The following PLEKHA7 variants were observed in gnomAD, a reference collection of about 807,000 sequenced individuals.
PLEKHA7 encodes pleckstrin homology domain containing A7.
A neutral mutation model predicts 170.0 loss-of-function variants in PLEKHA7; 104 were observed. The ratio of observed to expected loss-of-function variants is 0.61; its 90% CI spans 0.52 to 0.72. The LOEUF (loss-of-function observed/expected upper bound fraction) is 0.72, where lower values mean the gene tolerates loss of function less well. Among genes scored for constraint, PLEKHA7 ranks in the 30% least tolerant of loss-of-function variants. PLEKHA7 has a pLI of 0.00. For synonymous variants in PLEKHA7, 648 were observed against 660.8 expected, an observed-to-expected ratio of 0.98 and a Z score of 0.30; for missense variants, 1,615 against 1,671.7, an observed-to-expected ratio of 0.97 and a Z score of 0.59.
rs557459782 is a variant in PLEKHA7, at chr11:16,782,879, G to A, written c.3668C>T (p.Pro1223Leu). The change falls in exon 26 of 27, where the codon CCG becomes CTG. Residue 1223 changes from proline (P) to leucine (L), a missense_variant. Pro to Leu is a moderately conservative substitution (Grantham distance 98). Coordinates refer to ENST00000531066, the MANE Select transcript of PLEKHA7 (RefSeq NM_001329630.2). ...LARSSMCNLQ[P>L]TSGQDQNSVA... ...ACTGTTCTGGTCCTGGCCTGAGGTC[G>A]GCTGTAGGTTGCACATGCTGTAGGA... is the stretch of plus-strand genomic sequence containing the variant. 128 of 1,536,150 alleles carry A rather than the reference G, an allele frequency of 8.3e-5. No individual in the cohort carries two copies. The African/African-American group carries it at 1.2e-3, about 14-fold the overall frequency.
chr11:16,969,640 G>A (rs772053697), intron 3 of PLEKHA7, among the ~76,000 whole-genome samples: 1 of 152,180 alleles, frequency 6.6e-6, no homozygotes, highest in Non-Finnish European at 1.5e-5. Context: ...ACAGGCCCAT[G>A]TTCCAAGCAG....
At chr11:16,987,301 C>T (rs1460618228) in intron 3 of PLEKHA7, among the ~76,000 whole-genome samples, 2 of 148,278 alleles carry the variant, frequency 1.3e-5, no homozygotes, top group Non-Finnish European at 3.0e-5. Flanking sequence ...GGCCTGGCTC[C>T]GCCCCCCAGA....
intron 3 of PLEKHA7, among the ~76,000 whole-genome samples, chr11:16,927,496 TATC>T (rs1467593713): frequency 1.3e-5 from 2 of 152,152 alleles, no homozygotes; most frequent in Non-Finnish European, 2.9e-5. Flanking sequence ...CACCAGCACT[TATC>T]ATCTCTAGCC....
intron 9 of PLEKHA7, among the ~76,000 whole-genome samples, chr11:16,837,709 T>C (rs1851626407): frequency 6.6e-6 from 1 of 152,184 alleles, no homozygotes; most frequent in Non-Finnish European, 1.5e-5. Flanking sequence ...GATGTAGGTG[T>C]CTCTGCTTAG....
chr11:16,864,892 T>A (rs1000071100), intron 4 of PLEKHA7, among the ~76,000 whole-genome samples: 1 of 152,202 alleles, frequency 6.6e-6, no homozygotes, highest in Non-Finnish European at 1.5e-5. Flanking sequence ...GAAATTTGTA[T>A]GCCTATAGCT....
At chr11:16,802,856 T>A (rs945323083) in intron 15 of PLEKHA7, 116 bp downstream of exon 15, 25 of 937,972 alleles carry the variant, frequency 2.7e-5, no homozygotes, top group East Asian at 9.7e-5. Context: ...CATTTTTTTT[T>A]AAATAAGCTA....
At chr11:16,902,348 G>A (rs1052103210) in intron 3 of PLEKHA7, among the ~76,000 whole-genome samples, 1 of 152,062 alleles carries the variant, frequency 6.6e-6, no homozygotes, top group African/African-American at 2.4e-5. Flanking sequence ...ACTTCTCTTG[G>A]GTATATACCT....
intron 3 of PLEKHA7, among the ~76,000 whole-genome samples, chr11:16,894,539 T>C (rs997461437): frequency 1.3e-5 from 2 of 152,200 alleles, no homozygotes; most frequent in Non-Finnish European, 2.9e-5. Flanking sequence ...AGGTATCAAA[T>C]AGTCAGTGGA....
intron 3 of PLEKHA7, among the ~76,000 whole-genome samples, chr11:16,942,178 G>A (rs1174441396): frequency 3.9e-5 from 6 of 152,158 alleles, no homozygotes; most frequent in Non-Finnish European, 2.9e-5. Context: ...TAGTGATAGC[G>A]GAATTCAAAT....
Position 16,813,134 on chromosome 11 carries a change from G to A in PLEKHA7, c.1986C>T (p.Asp662=). ...ADDTYLQLKK[D]LEYLDLKMTG... is the part of the protein sequence containing the mutation. ...TTACCTTTAGATCCAGGTACTCCAGGTCTTTCTTCAGCTGGAGGTAGGTAT... is the reference window on the plus strand; with the variant it reads ...TTACCTTTAGATCCAGGTACTCCAGATCTTTCTTCAGCTGGAGGTAGGTAT... Residue 662 remains aspartate, a synonymous_variant, in exon 13 of 27, where the codon GAC becomes GAT. Transcript: ENST00000531066. 1 of 1,613,658 alleles carries A rather than the reference G, an allele frequency of 6.2e-7. No individual in the cohort carries two copies. The highest frequency in any genetic ancestry group is 1.3e-5 in the African/African-American group (1 of 75,022).
rs1281098331 is a variant in PLEKHA7 at position 16,778,723 on chromosome 11, T to C, written c.*275A>G. On this transcript the variant is annotated 3_prime_UTR_variant, in exon 27 of 27. Coordinates refer to ENST00000531066, the MANE Select transcript of PLEKHA7 (RefSeq NM_001329630.2). The stretch of plus-strand genomic sequence containing the variant: ...TGCCACTCAGCCCTTGAGGGGAACA[T>C]TAGAAAATAGATTCCGATTCTAAAA... 9 of 511,068 alleles carry C rather than the reference T, an allele frequency of 1.8e-5. No individual in the cohort carries two copies. Among genetic ancestry groups the C allele is most frequent in the Non-Finnish European group, 3.2e-5 (9 of 282,118 alleles). The allele number at this position is 511,068 out of a possible 1,614,324, so 31.7% of individuals were successfully genotyped here.
intron 3 of PLEKHA7, among the ~76,000 whole-genome samples, chr11:16,874,277 C>T (rs1855105799): frequency 1.3e-5 from 2 of 152,004 alleles, no homozygotes; most frequent in Admixed American, 6.6e-5. Flanking sequence ...GAGGCTGGGG[C>T]GGGTGAATCA....
intron 3 of PLEKHA7, among the ~76,000 whole-genome samples, chr11:16,936,985 C>A (rs1319327284): frequency 6.6e-6 from 1 of 152,236 alleles, no homozygotes; most frequent in African/African-American, 2.4e-5. Context: ...TTTCCCTCCC[C>A]CTGAGCCTCA....
intron 10 of PLEKHA7, among the ~76,000 whole-genome samples, chr11:16,824,034 C>A (rs944569240): frequency 6.6e-6 from 1 of 152,134 alleles, no homozygotes; most frequent in African/African-American, 2.4e-5. Context: ...TGTTCTCACT[C>A]ATTTGTGAGA....
intron 3 of PLEKHA7, among the ~76,000 whole-genome samples, chr11:16,929,595 C>A (rs947239779): frequency 6.6e-6 from 1 of 152,228 alleles, no homozygotes; most frequent in African/African-American, 2.4e-5. Flanking sequence ...CTGCCTCCCC[C>A]GCTTCTTGGT....
chr11:16,888,270 C>T (rs1856319275), intron 3 of PLEKHA7, among the ~76,000 whole-genome samples: 1 of 145,462 alleles, frequency 6.9e-6, no homozygotes, highest in African/African-American at 2.6e-5. Context: ...AGGTGGGGGG[C>T]AGTCCCTGCC....
At chr11:16,784,991 G>A (rs1849300943) in intron 24 of PLEKHA7, among the ~76,000 whole-genome samples, 1 of 152,216 alleles carries the variant, frequency 6.6e-6, no homozygotes, top group Non-Finnish European at 1.5e-5. Flanking sequence ...ACCTTTGGCT[G>A]TTTCAGATGG....
intron 3 of PLEKHA7, among the ~76,000 whole-genome samples, chr11:16,915,659 A>G (rs1858602809): frequency 6.6e-6 from 1 of 151,170 alleles, no homozygotes; most frequent in Non-Finnish European, 1.5e-5. Flanking sequence ...GATGATTTCC[A>G]ATTTCATCCA....
In PLEKHA7 at chr11:16,800,985, A is replaced by G. The variant is rs527947250; in HGVS notation, c.2398T>C (p.Phe800Leu). Residue 800 changes from phenylalanine to leucine, a missense_variant, in exon 17 of 27, where the codon TTT becomes CTT. Phe to Leu is a conservative substitution (Grantham distance 22). Transcript: ENST00000531066. ...AGGTATCAGGTCACCTGGAAAAAAA[A>G]GGCTCTTCTGTGTTGCTCCTGCAGG... ...QTLQEQHRRA[F>L]FFQEKSQIQK... 2 of 1,614,034 alleles carry G rather than the reference A, an allele frequency of 1.2e-6. No individual in the cohort carries two copies. The highest frequency in any genetic ancestry group is 2.2e-5 in the South Asian group (2 of 91,072).
Sources: gnomAD v4.1 joint callset for allele counts (sites outside exome capture counted in the v4.1 genomes callset) on GRCh38, gnomAD v4.1.1 for gene constraint, MANE v1.5 for transcripts, NCBI Gene and HGNC (gene_info 2026-07-23, HGNC 2026-07-21) for gene names.